MOK: variants seen among roughly 807,000 people sequenced by gnomAD.
MOK encodes MAPK/MAK/MRK overlapping kinase.
A neutral mutation model predicts 54.2 loss-of-function variants in MOK; 59 were observed. The observed-to-expected ratio is 1.09, with a 90% confidence interval of 0.88 to 1.35. The LOEUF is 1.35. Among genes scored for constraint, MOK ranks in the 40% most tolerant of loss-of-function variants. MOK has a pLI of 0.00. For synonymous variants in MOK, 210 were observed against 202.7 expected, an observed-to-expected ratio of 1.04 and a Z score of -0.31; for missense variants, 517 against 526.2, an observed-to-expected ratio of 0.98 and a Z score of 0.17.
chr14:102,216,066 CT>C, the MOK span, among the ~76,000 whole-genome samples: 1 of 152,220 alleles, frequency 6.6e-6, no homozygotes, highest in Non-Finnish European at 1.5e-5. Context: ...TGGCAGCCGG[CT>C]GAGCCCTGTG....
intron 7 of MOK, among the ~76,000 whole-genome samples, chr14:102,242,594 G>A (rs992793993): frequency 2.0e-5 from 3 of 151,868 alleles, no homozygotes; most frequent in East Asian, 3.9e-4. Flanking sequence ...CCCACTCAAC[G>A]CCAATATCCC....
rs185703096 is a variant in MOK, at chr14:102,278,011, A to C, written c.122+5467T>G. Among the ~76,000 whole-genome samples, 142 of 152,284 alleles carry C rather than the reference A, an allele frequency of 9.3e-4. 1 individual carries two copies. Among genetic ancestry groups the C allele is most frequent in the Middle Eastern group, 3.4e-3 (1 of 294 alleles). ...AGAGCACATGGCATTAGTGGCTCTAAGAAGAAATGCCAGAAAGACTCTAGA... is the reference window on the plus strand; with the variant it reads ...AGAGCACATGGCATTAGTGGCTCTACGAAGAAATGCCAGAAAGACTCTAGA... On this transcript the variant is annotated intron_variant, in intron 2 of 11. Transcript: ENST00000361847.
chr14:102,262,415 C>T (rs1597423665), intron 4 of MOK, among the ~76,000 whole-genome samples: 1 of 152,200 alleles, frequency 6.6e-6, no homozygotes, highest in Non-Finnish European at 1.5e-5. Context: ...GGCGTCCCTC[C>T]TAAAGTGCTA....
At chr14:102,275,495 C>T (rs138398844) in intron 2 of MOK, among the ~76,000 whole-genome samples, 8,141 of 142,554 alleles carry the variant, frequency 0.057, 287 homozygotes, top group African/African-American at 0.11. Context: ...ACCTGGGAGG[C>T]GGAGCTTGCA....
intron 1 of MOK, among the ~76,000 whole-genome samples, chr14:102,290,316 C>G (rs9671237): frequency 0.28 from 42,174 of 151,412 alleles, 7,356 homozygotes; most frequent in African/African-American, 0.5. Context: ...GTGCATGCCT[C>G]TAATCCCAGC....
intron 2 of MOK, among the ~76,000 whole-genome samples, chr14:102,272,825 G>A (rs544718483): frequency 1.1e-4 from 17 of 152,196 alleles, no homozygotes; most frequent in East Asian, 5.8e-4. Context: ...ACACTTCCCC[G>A]CTACTTGCAT....
intron 2 of MOK, among the ~76,000 whole-genome samples, chr14:102,267,417 T>TC (rs2068002840): frequency 6.6e-6 from 1 of 151,834 alleles, no homozygotes; most frequent in Non-Finnish European, 1.5e-5. Flanking sequence ...AATACAAAAA[T>TC]CAGCCGGGCG....
intron 4 of MOK, among the ~76,000 whole-genome samples, chr14:102,253,169 A>G (rs1421998504): frequency 6.6e-6 from 1 of 152,212 alleles, no homozygotes; most frequent in Admixed American, 6.5e-5. Flanking sequence ...AATTGTTGAT[A>G]ATTTTTTTCC....
chr14:102,272,676 A>G (rs1453743115), intron 2 of MOK, among the ~76,000 whole-genome samples: 1 of 152,212 alleles, frequency 6.6e-6, no homozygotes, highest in Non-Finnish European at 1.5e-5. Context: ...AAAAAATAAT[A>G]ATACCAAAAA....
Position 102,229,611 on chromosome 14 carries a change from G to C in MOK, c.1028C>G (p.Pro343Arg). Residue 343 changes from proline (P) to arginine (R), a missense_variant, in exon 11 of 12, where the codon CCG becomes CGG. Pro to Arg is a moderately radical substitution (Grantham distance 103, BLOSUM62 -2). Coordinates refer to ENST00000361847, the MANE Select transcript of MOK (RefSeq NM_014226.3). Reference sequence around the variant, plus strand: ...TTTGGGCAGTTCCATGACATAGGCCGGTCCTCGTCTCTTGGGACGGTCCTC... The same window carrying C: ...TTTGGGCAGTTCCATGACATAGGCCCGTCCTCGTCTCTTGGGACGGTCCTC... ...QEEDRPKRRG[P>R]AYVMELPKLK... is the part of the protein sequence containing the mutation. 1 of 1,614,040 alleles carries C rather than the reference G, an allele frequency of 6.2e-7. No individual in the cohort carries two copies. Among genetic ancestry groups the C allele is most frequent in the Non-Finnish European group, 8.5e-7 (1 of 1,179,948 alleles).
downstream of MOK, among the ~76,000 whole-genome samples, chr14:102,226,691 T>G (rs2064264660): frequency 6.6e-6 from 1 of 152,198 alleles, no homozygotes; most frequent in Non-Finnish European, 1.5e-5. The surrounding 1 kb of genome is among the most constrained non-coding windows in gnomAD (Gnocchi z 4.8). Context: ...AAGGGCCAAG[T>G]GCAGGGCGGG....
At chr14:102,279,204 T>C (rs140260326) in intron 2 of MOK, among the ~76,000 whole-genome samples, 136 of 150,386 alleles carry the variant, frequency 9.0e-4, no homozygotes, top group African/African-American at 3.2e-3. Context: ...ATACCAAGAC[T>C]AGGGATTTTT....
intron 2 of MOK, among the ~76,000 whole-genome samples, chr14:102,268,581 TGGAACAAATTATGA>T (rs2068093394): frequency 1.3e-5 from 2 of 151,984 alleles, no homozygotes; most frequent in Admixed American, 1.3e-4. Context: ...AATCTACAAA[TGGAACAAATTATGA>T]TCACCAGGAC....
rs144933792 is a variant in MOK, at chr14:102,278,540, G to A, written c.122+4938C>T. 2.2e-4 allele frequency: 87 copies of A among 403,744 alleles called. No individual in the cohort carries two copies. The East Asian group carries it at 4.9e-3, about 23-fold the overall frequency. The allele number at this position is 403,744 out of a possible 1,614,324, so 25.0% of individuals were successfully genotyped here. A position where few individuals can be genotyped will look rare whatever the true frequency, so the allele number is the denominator to read the frequency against. ...ACCATGTACCACATGTAGACCTGAC[G>A]TTGGCATCAGCATCTGCAGCTGGGA... On this transcript the variant is annotated intron_variant, in intron 2 of 11. Coordinates refer to ENST00000361847, the MANE Select transcript of MOK (RefSeq NM_014226.3).
the MOK span, among the ~76,000 whole-genome samples, chr14:102,219,468 A>C: frequency 6.6e-6 from 1 of 152,246 alleles, no homozygotes. Flanking sequence ...CAGGCCCAGC[A>C]CACTCCAGGG....
At chr14:102,281,051 T>C (rs554127191) in intron 2 of MOK, among the ~76,000 whole-genome samples, 4 of 152,188 alleles carry the variant, frequency 2.6e-5, no homozygotes, top group South Asian at 2.1e-4. Flanking sequence ...AGGCTGGGCA[T>C]GGTGGCTCAC....
At chr14:102,221,397 C>T (rs2063879131), downstream of MOK, among the ~76,000 whole-genome samples, 1 of 152,196 alleles carries the variant, frequency 6.6e-6, no homozygotes, top group African/African-American at 2.4e-5. The surrounding 1 kb of genome is among the most constrained non-coding windows in gnomAD (Gnocchi z 4.8). Flanking sequence ...GGCAGAGTGT[C>T]CTGTGTGAGA....
intron 4 of MOK, among the ~76,000 whole-genome samples, chr14:102,262,848 T>G (rs1209487146): frequency 6.6e-6 from 1 of 152,242 alleles, no homozygotes; most frequent in African/African-American, 2.4e-5. Context: ...TAATGTGATT[T>G]GTAAAATGTA....
chr14:102,302,706 C>T (rs1397249622), intron 1 of MOK, among the ~76,000 whole-genome samples: 1 of 151,766 alleles, frequency 6.6e-6, no homozygotes, highest in Non-Finnish European at 1.5e-5. Flanking sequence ...TGAGCCACTG[C>T]GCCCAGGCAG....
Sources: gnomAD v4.1 joint callset for allele counts (sites outside exome capture counted in the v4.1 genomes callset) on GRCh38, gnomAD v4.1.1 for gene constraint, Gnocchi (gnomAD v3.1) non-coding constraint, MANE v1.5 for transcripts, NCBI Gene and HGNC (gene_info 2026-07-23, HGNC 2026-07-21) for gene names.